SGCZ: variants seen among roughly 807,000 people sequenced by gnomAD.
SGCZ encodes the protein sarcoglycan zeta, also known as zeta-sarcoglycan.
SGCZ carries 40 observed loss-of-function variants against 41.3 expected under a neutral mutation model. That is an observed-to-expected ratio of 0.97 (90% CI 0.75 to 1.26). SGCZ has a LOEUF of 1.26. Ranked by LOEUF, SGCZ falls within the 50% of genes most tolerant of loss-of-function variation. The probability of loss-of-function intolerance (pLI) is 0.00; values close to 1 mark genes in which losing one functional copy is unlikely to be tolerated. For synonymous variants in SGCZ, 206 were observed against 137.5 expected (o/e 1.50, Z -3.49); for missense variants, 552 against 369.8 (o/e 1.49, Z -4.04).
chr8:14,629,341 G>A (rs553589720), intron 1 of SGCZ, among the ~76,000 whole-genome samples: 6 of 140,676 alleles, frequency 4.3e-5, no homozygotes, highest in Non-Finnish European at 6.2e-5. Context: ...TGACTAGTAG[G>A]TAAGATTAAT....
intron 2 of SGCZ, among the ~76,000 whole-genome samples, chr8:14,433,364 C>A (rs887788983): frequency 6.6e-6 from 1 of 152,168 alleles, no homozygotes; most frequent in African/African-American, 2.4e-5. Flanking sequence ...AATTAAGATA[C>A]TTTGCCTTTC....
chr8:15,004,826 A>G (rs914019803), intron 1 of SGCZ, among the ~76,000 whole-genome samples: 3 of 152,182 alleles, frequency 2.0e-5, no homozygotes, highest in Non-Finnish European at 4.4e-5. Context: ...ACTCAACACT[A>G]GGTGACAATG....
At chr8:14,096,052 G>T (rs564609412) in intron 7 of SGCZ, among the ~76,000 whole-genome samples, 22 of 152,252 alleles carry the variant, frequency 1.4e-4, no homozygotes, top group Non-Finnish European at 2.1e-4. Flanking sequence ...TCTGCAAACA[G>T]AGACAATTTG....
At chr8:14,822,073 T>C (rs1585291717) in intron 1 of SGCZ, among the ~76,000 whole-genome samples, 2 of 141,590 alleles carry the variant, frequency 1.4e-5, no homozygotes, top group Admixed American at 7.1e-5. Flanking sequence ...CCCTAAAGAT[T>C]ACACACACAC....
chr8:15,039,669 C>T (rs1554544867), intron 1 of SGCZ, among the ~76,000 whole-genome samples: 1 of 152,176 alleles, frequency 6.6e-6, no homozygotes, highest in Non-Finnish European at 1.5e-5. Flanking sequence ...ATTTCACCAG[C>T]AATACAACAG....
chr8:14,464,759 G>A lies in SGCZ; in HGVS notation c.234+89973C>T, dbSNP rs940102455. ...AATACGCCATGTAACACTGATTTTG[G>A]TGTATTCTTTAAGTTTTGCTATATT... is the stretch of plus-strand genomic sequence containing the variant. On this transcript the variant is annotated intron_variant, in intron 2 of 7. Transcript: ENST00000382080. 3.9e-4 allele frequency among the ~76,000 whole-genome samples: 59 copies of A among 151,278 alleles called. 1 individual carries two copies. Among genetic ancestry groups the A allele is most frequent in the Middle Eastern group, 3.4e-3 (1 of 294 alleles).
chr8:14,455,018 T>C (rs1480066085), intron 2 of SGCZ, among the ~76,000 whole-genome samples: 2 of 152,018 alleles, frequency 1.3e-5, no homozygotes, highest in African/African-American at 2.4e-5. Context: ...AAATAGAAGA[T>C]TAACACATCT....
At chr8:14,673,166 C>T (rs1808158610) in intron 1 of SGCZ, among the ~76,000 whole-genome samples, 1 of 152,142 alleles carries the variant, frequency 6.6e-6, no homozygotes, top group African/African-American at 2.4e-5. Flanking sequence ...GATGTTTACC[C>T]TGTATTGTAA....
Position 15,058,276 on chromosome 8 carries a change from A to G in SGCZ, c.39+179309T>C, listed in dbSNP as rs115691901. Among the ~76,000 whole-genome samples the G allele has an allele frequency of 5.4e-3, 826 of 152,246 alleles. 9 individuals carry two copies. Among genetic ancestry groups the G allele is most frequent in the African/African-American group, 0.019 (792 of 41,554 alleles). On this transcript the variant is annotated intron_variant, in intron 1 of 7. Transcript: ENST00000382080. Reference sequence around the variant, plus strand: ...CAAATATTCTCCATGTATCTTTTCTATACTGTGATCTGTGTTGAAAGAGAA... The same window carrying G: ...CAAATATTCTCCATGTATCTTTTCTGTACTGTGATCTGTGTTGAAAGAGAA...
chr8:14,213,321 C>T (rs1012597285), intron 4 of SGCZ, among the ~76,000 whole-genome samples: 6 of 152,040 alleles, frequency 3.9e-5, no homozygotes, highest in Admixed American at 3.9e-4. Context: ...GCATGCATTA[C>T]CTTTAGGGGA....
intron 1 of SGCZ, among the ~76,000 whole-genome samples, chr8:15,106,262 C>T (rs6530836): frequency 0.99 from 150,552 of 152,188 alleles, 74,497 homozygotes; most frequent in East Asian, 1. Flanking sequence ...ATTTTTTACA[C>T]TAATACTTGA....
intron 4 of SGCZ, among the ~76,000 whole-genome samples, chr8:14,194,675 C>A (rs1805209458): frequency 1.3e-5 from 2 of 151,864 alleles, no homozygotes; most frequent in East Asian, 3.9e-4. Flanking sequence ...GAACAAAATA[C>A]AAAATATATA....
chr8:14,136,190 T>C (rs945574117), intron 5 of SGCZ, among the ~76,000 whole-genome samples: 3 of 151,984 alleles, frequency 2.0e-5, no homozygotes, highest in African/African-American at 7.3e-5. Flanking sequence ...GGTTCCAAGA[T>C]GGCCGAAAAG....
chr8:14,318,254 G>C (rs1395976802), intron 3 of SGCZ, among the ~76,000 whole-genome samples: 1 of 151,580 alleles, frequency 6.6e-6, no homozygotes, highest in African/African-American at 2.4e-5. Flanking sequence ...AGAAGGGCAA[G>C]AAAAGGAAGA....
intron 2 of SGCZ, among the ~76,000 whole-genome samples, chr8:14,479,730 T>TA (rs1441120614): frequency 2.4e-4 from 9 of 36,894 alleles, no homozygotes; most frequent in African/African-American, 5.5e-4. Context: ...GAATTCTACT[T>TA]CTTTTTTTTT....
chr8:14,235,046 C>A (rs1468750551), intron 4 of SGCZ, among the ~76,000 whole-genome samples: 1 of 152,112 alleles, frequency 6.6e-6, no homozygotes, highest in South Asian at 2.1e-4. Context: ...TATACAATTC[C>A]CTACCGTTTG....
intron 2 of SGCZ, among the ~76,000 whole-genome samples, chr8:14,412,884 T>C (rs887643704): frequency 1.3e-5 from 2 of 151,980 alleles, no homozygotes; most frequent in East Asian, 3.9e-4. Context: ...TAATAAATAT[T>C]TGTCTGGTAT....
chr8:14,219,880 C>T (rs1255464556), intron 4 of SGCZ, among the ~76,000 whole-genome samples: 1 of 152,182 alleles, frequency 6.6e-6, no homozygotes, highest in Admixed American at 6.5e-5. Flanking sequence ...GTTTCTACAA[C>T]CAGTAGGATG....
At chr8:14,102,337 G>A in intron 7 of SGCZ, 39 bp downstream of exon 7, 1 of 1,381,006 alleles carries the variant, frequency 7.2e-7, no homozygotes, top group East Asian at 2.7e-5. Flanking sequence ...TTTTCAAAGT[G>A]GGCAGTATAG....
Sources: allele counts gnomAD v4.1 joint callset (sites outside exome capture counted in the v4.1 genomes callset), GRCh38; gene constraint gnomAD v4.1.1; transcripts MANE v1.5; gene names NCBI Gene and HGNC (gene_info 2026-07-23, HGNC 2026-07-21).